MED27: variants seen among roughly 807,000 people sequenced by gnomAD.
MED27 encodes the protein mediator complex subunit 27.
A neutral mutation model predicts 38.2 loss-of-function variants in MED27; 30 were observed. The observed-to-expected ratio is 0.79, with a 90% CI of 0.59 to 1.07. The LOEUF (loss-of-function observed/expected upper bound fraction) is 1.07, where lower values mean the gene tolerates loss of function less well. MED27 is among the 50% of genes least tolerant of loss of function. The probability of loss-of-function intolerance (pLI) is 0.00; values close to 1 mark genes in which losing one functional copy is unlikely to be tolerated. For missense variants in MED27, 289 were observed against 397.5 expected (o/e 0.73, Z 2.32); for synonymous variants, 122 against 153.5 (o/e 0.79, Z 1.52).
chr9:132,025,409 C>T (rs1349413631), intron 2 of MED27, among the ~76,000 whole-genome samples: 1 of 152,152 alleles, frequency 6.6e-6, no homozygotes, highest in Non-Finnish European at 1.5e-5. Context: ...CTCGAACTCC[C>T]AACCTCAGGT....
intron 3 of MED27, among the ~76,000 whole-genome samples, chr9:132,011,922 T>C (rs1182528604): frequency 1.3e-5 from 2 of 150,654 alleles, no homozygotes; most frequent in African/African-American, 4.9e-5. Context: ...TATAAATTTA[T>C]AATGACAGTT....
chr9:131,878,028 A>G (rs1442436965), intron 6 of MED27, among the ~76,000 whole-genome samples: 2 of 152,000 alleles, frequency 1.3e-5, no homozygotes, highest in Admixed American at 1.3e-4. Context: ...TAATCCCAAC[A>G]CTTTGGGAGG....
chr9:131,968,471 C>CAAAAAA (rs10556528), intron 3 of MED27, among the ~76,000 whole-genome samples: 1 of 98,426 alleles, frequency 1.0e-5, no homozygotes, highest in Non-Finnish European at 2.0e-5. Flanking sequence ...GACCCTGTCT[C>CAAAAAA]AAAAAAAAAA....
chr9:132,061,832 T>C (rs551369950), intron 2 of MED27, among the ~76,000 whole-genome samples: 1 of 152,374 alleles, frequency 6.6e-6, no homozygotes, highest in East Asian at 1.9e-4. Flanking sequence ...TGACTTTCAC[T>C]GTATCCTTTC....
At chr9:132,012,618 C>T (rs1406586908) in intron 3 of MED27, among the ~76,000 whole-genome samples, 3 of 152,180 alleles carry the variant, frequency 2.0e-5, no homozygotes, top group Non-Finnish European at 2.9e-5. Flanking sequence ...CCTCCTCATT[C>T]GTCAAGTCTC....
intron 4 of MED27, among the ~76,000 whole-genome samples, chr9:131,932,767 TG>T (rs1226754485): frequency 2.0e-5 from 3 of 152,154 alleles, no homozygotes; most frequent in Admixed American, 1.3e-4. Context: ...ACTCAGTTTA[TG>T]AGGCCAGTAT....
At chr9:131,945,771 G>A (rs956923282) in intron 3 of MED27, among the ~76,000 whole-genome samples, 29 of 149,542 alleles carry the variant, frequency 1.9e-4, no homozygotes, top group African/African-American at 6.7e-4. Flanking sequence ...ATCAGCCTGG[G>A]CAACATGGCA....
At chr9:132,045,413 TACACACACACACACACACACACACAC>T (rs61360267) in intron 2 of MED27, among the ~76,000 whole-genome samples, 10 of 144,492 alleles carry the variant, frequency 6.9e-5, no homozygotes, top group African/African-American at 2.6e-5. Context: ...AAGAGGAAAT[TACACACACACACACACACACACACAC>T]ACACACACAC....
chr9:132,017,904 T>C (rs1832639483), intron 2 of MED27, among the ~76,000 whole-genome samples: 1 of 152,244 alleles, frequency 6.6e-6, no homozygotes, highest in African/African-American at 2.4e-5. Context: ...TAGGAAAACT[T>C]TGATCTACTG....
At chr9:131,992,337 C>T (rs993255824) in intron 3 of MED27, among the ~76,000 whole-genome samples, 1 of 152,146 alleles carries the variant, frequency 6.6e-6, no homozygotes, top group East Asian at 1.9e-4. Context: ...TCAATTCAAA[C>T]GGGGATAAAA....
chr9:131,941,622 A>G (rs1282533291), intron 3 of MED27, among the ~76,000 whole-genome samples: 1 of 152,028 alleles, frequency 6.6e-6, no homozygotes, highest in Non-Finnish European at 1.5e-5. Context: ...ACTGAAGGGT[A>G]TTTGCTCCCG....
In MED27 at chr9:131,860,535, G is replaced by A. The variant is rs748839485; in HGVS notation, c.*3C>T. ...GGGTCTGAGGCTGGGGCCAGCGTGG[G>A]GGCTACTGCCGGCAGGTGTCATGGA... On this transcript the variant is annotated 3_prime_UTR_variant, in exon 8 of 8. Coordinates refer to ENST00000292035, the MANE Select transcript of MED27 (RefSeq NM_004269.4). This position sits in a 1 kb window ranked among gnomAD's most constrained non-coding sequence, Gnocchi z 5.8. The A allele has an allele frequency of 6.6e-7, 1 of 1,522,100 alleles. No individual in the cohort carries two copies. 94.3% of individuals were successfully genotyped at this position (1,522,100 alleles called of 1,614,324 possible).
At chr9:131,928,355 C>T (rs1830520050) in intron 4 of MED27, among the ~76,000 whole-genome samples, 1 of 152,060 alleles carries the variant, frequency 6.6e-6, no homozygotes, top group South Asian at 2.1e-4. Context: ...CCTGCAGGAA[C>T]ACCAATTTTT....
Position 131,889,741 on chromosome 9 carries a change from CAAG to C in MED27, c.681+4141_681+4143del, listed in dbSNP as rs1839198214. 6.6e-6 allele frequency among the ~76,000 whole-genome samples: 1 copy of C among 152,118 alleles called. No homozygotes were observed. ...GGGTGGTGCTGGGCCACTACAGCAG[CAAG>C]AAGGATAATGAAACTTTCGAATGTG... On this transcript the variant is annotated intron_variant, in intron 5 of 7. Transcript: ENST00000292035. This position sits in a 1 kb window ranked among gnomAD's most constrained non-coding sequence, Gnocchi z 4.2.
chr9:131,896,390 T>G (rs971538527), intron 4 of MED27, among the ~76,000 whole-genome samples: 10 of 152,224 alleles, frequency 6.6e-5, no homozygotes, highest in African/African-American at 2.4e-4. Context: ...AAAACCTGGC[T>G]GATATTAATT....
chr9:132,076,332 A>G (rs1834047622), intron 2 of MED27, among the ~76,000 whole-genome samples: 1 of 152,126 alleles, frequency 6.6e-6, no homozygotes, highest in Non-Finnish European at 1.5e-5. Flanking sequence ...TTTTGGGGAA[A>G]GGCTTTACAG....
rs9411419 is a variant in MED27 at position 131,913,606 on chromosome 9, C to G, written c.574-19614G>C. 6.6e-6 allele frequency among the ~76,000 whole-genome samples: 1 copy of G among 151,894 alleles called. No individual in the cohort carries two copies. Among genetic ancestry groups the G allele is most frequent in the African/African-American group, 2.4e-5 (1 of 41,338 alleles). Reference sequence around the variant, plus strand: ...TTGTATTTCTCCCTGTTTGAAAGGCCGTTTGTTCGGCTTACCACAGTTGCA... The same window carrying G: ...TTGTATTTCTCCCTGTTTGAAAGGCGGTTTGTTCGGCTTACCACAGTTGCA... On this transcript the variant is annotated intron_variant, in intron 4 of 7. Coordinates refer to ENST00000292035, the MANE Select transcript of MED27 (RefSeq NM_004269.4). The surrounding 1 kb of genome is among the most constrained non-coding windows in gnomAD (Gnocchi z 4.5).
At chr9:131,959,080 T>G (rs184633094) in intron 3 of MED27, among the ~76,000 whole-genome samples, 9 of 152,354 alleles carry the variant, frequency 5.9e-5, no homozygotes, top group Admixed American at 4.6e-4. Flanking sequence ...ATTCTTTTCA[T>G]GTTGAATGGG....
At chr9:132,011,206 T>C (rs777061536) in intron 3 of MED27, among the ~76,000 whole-genome samples, 2 of 152,190 alleles carry the variant, frequency 1.3e-5, no homozygotes, top group Non-Finnish European at 2.9e-5. Context: ...TTTTTGGAGA[T>C]TATTTTGCTT....
Sources: allele counts gnomAD v4.1 joint callset (sites outside exome capture counted in the v4.1 genomes callset), GRCh38; gene constraint gnomAD v4.1.1; non-coding constraint Gnocchi (gnomAD v3.1); transcripts MANE v1.5; gene names NCBI Gene and HGNC (gene_info 2026-07-23, HGNC 2026-07-21).